Variants in BRI3BP observed in about 807,000 individuals in gnomAD.
BRI3BP encodes the protein BRI3 binding protein, also known as BRI3-binding protein.
In BRI3BP, 7 loss-of-function variants were observed where a neutral mutation model predicts 15.8. The ratio of observed to expected loss-of-function variants is 0.44; its 90% CI spans 0.25 to 0.83. BRI3BP has a LOEUF of 0.83. Ranked by LOEUF, BRI3BP falls within the 40% of genes least tolerant of loss-of-function variation. The probability of loss-of-function intolerance (pLI) is 0.20; values close to 1 mark genes in which losing one functional copy is unlikely to be tolerated. For missense variants in BRI3BP, 320 were observed against 339.3 expected (o/e 0.94, Z 0.45); for synonymous variants, 192 against 163.5 (o/e 1.17, Z -1.33).
chr12:125,016,355 G>T (rs1439733970), intron 2 of BRI3BP, among the ~76,000 whole-genome samples: 2 of 143,114 alleles, frequency 1.4e-5, no homozygotes, highest in Non-Finnish European at 3.0e-5. Context: ...TTTCTTCAGT[G>T]TTTTTTTTTT....
intron 1 of BRI3BP, among the ~76,000 whole-genome samples, chr12:125,002,044 G>T (rs1456985911): frequency 2.6e-5 from 4 of 152,150 alleles, no homozygotes; most frequent in Non-Finnish European, 4.4e-5. Context: ...TGTTTTCAAG[G>T]TTCATCCATA....
chr12:125,042,455 T>C, the BRI3BP span, among the ~76,000 whole-genome samples: 1 of 151,946 alleles, frequency 6.6e-6, no homozygotes, highest in Non-Finnish European at 1.5e-5. Context: ...TCTAATTCTT[T>C]AGGAACTAGG....
chr12:125,024,914 C>A, intron 2 of BRI3BP, 77 bp from the exon 3 acceptor site: 2 of 1,348,238 alleles, frequency 1.5e-6, no homozygotes, highest in Non-Finnish European at 2.0e-6. Flanking sequence ...CAGGCCAGCT[C>A]AACTATCCAA....
chr12:125,004,235 C>T (rs928533367), intron 1 of BRI3BP, among the ~76,000 whole-genome samples: 4 of 152,126 alleles, frequency 2.6e-5, no homozygotes, highest in Non-Finnish European at 4.4e-5. Flanking sequence ...TGCAGTGGCA[C>T]GAACACAGCT....
rs1294578244 is a variant in BRI3BP at position 125,025,549 on chromosome 12, C to T, written c.*119C>T. ...TAAACACGACTGAGCAAGAAAGTGG[C>T]GCTGTGTAGGGCTATTTCCACCCAC... On this transcript the variant is annotated 3_prime_UTR_variant, in exon 3 of 3. Coordinates refer to ENST00000341446, the MANE Select transcript of BRI3BP (RefSeq NM_080626.6). The T allele has an allele frequency of 5.5e-6, 6 of 1,091,402 alleles. No homozygotes were observed. The highest frequency in any genetic ancestry group is 1.6e-5 in the African/African-American group (1 of 62,794). The allele number at this position is 1,091,402 out of a possible 1,614,324, so 67.6% of individuals were successfully genotyped here.
Position 125,026,112 on chromosome 12 carries a change from G to C in BRI3BP, c.*682G>C, listed in dbSNP as rs1393991097. ...AATGAAGACATCGCCATTTCTAGAA[G>C]ACCTGAGATTTTCTTCCCTCTGTGC... On this transcript the variant is annotated 3_prime_UTR_variant, in exon 3 of 3. Transcript: ENST00000341446. 2 of 152,154 alleles carry C rather than the reference G, an allele frequency of 1.3e-5. No individual in the cohort carries two copies. Among genetic ancestry groups the C allele is most frequent in the African/African-American group, 4.8e-5 (2 of 41,434 alleles). 9.4% of individuals were successfully genotyped at this position (152,154 alleles called of 1,614,324 possible).
chr12:125,015,096 G>A (rs1430444667), intron 2 of BRI3BP, among the ~76,000 whole-genome samples: 1 of 152,206 alleles, frequency 6.6e-6, no homozygotes, highest in Non-Finnish European at 1.5e-5. Flanking sequence ...CAGGAGGGCT[G>A]TGGGTCCCAC....
the BRI3BP span, among the ~76,000 whole-genome samples, chr12:125,037,097 T>C: frequency 6.6e-6 from 1 of 152,242 alleles, no homozygotes; most frequent in Non-Finnish European, 1.5e-5. Flanking sequence ...TTTGCTGTTA[T>C]TGCCCAGGCT....
chr12:125,030,064 G>C lies in BRI3BP; in HGVS notation c.*4634G>C, dbSNP rs756755513. 1 of 152,240 alleles carries C rather than the reference G, an allele frequency of 6.6e-6. No individual in the cohort carries two copies. The highest frequency in any genetic ancestry group is 1.5e-5 in the Non-Finnish European group (1 of 68,046). 9.4% of individuals were successfully genotyped at this position (152,240 alleles called of 1,614,324 possible). On this transcript the variant is annotated 3_prime_UTR_variant, in exon 3 of 3. Coordinates refer to ENST00000341446, the MANE Select transcript of BRI3BP (RefSeq NM_080626.6). Reference sequence around the variant, plus strand: ...AGAATAACAGCTGTCAAATGGCCTAGACATGGTTAATGCAATTTGTTGCTA... The same window carrying C: ...AGAATAACAGCTGTCAAATGGCCTACACATGGTTAATGCAATTTGTTGCTA...
At chr12:125,039,357 A>C in the BRI3BP span, among the ~76,000 whole-genome samples, 1 of 152,026 alleles carries the variant, frequency 6.6e-6, no homozygotes, top group South Asian at 2.1e-4. Flanking sequence ...AGTTAAACCA[A>C]TCTCAGGGGA....
chr12:125,034,782 G>A (rs1042476970), downstream of BRI3BP, among the ~76,000 whole-genome samples: 2 of 152,066 alleles, frequency 1.3e-5, no homozygotes, highest in Non-Finnish European at 2.9e-5. Flanking sequence ...TAGAGACGGG[G>A]TTTCACCATA....
rs781335758 is a variant in BRI3BP at position 124,993,914 on chromosome 12, GAGA to G, written c.129_131del (p.Lys43del). On this transcript the variant is annotated inframe_deletion, in exon 1 of 3. Transcript: ENST00000341446. The stretch of plus-strand genomic sequence containing the variant: ...GGGGGCGCGGGGCCGCGGCGGCGCG[GAGA>G]AGAACAGCTACCGCCGCACGGTCAA... 4.4e-5 allele frequency: 58 copies of G among 1,311,048 alleles called. No individual in the cohort carries two copies. The highest frequency in any genetic ancestry group is 5.4e-5 in the Non-Finnish European group (55 of 1,020,998). The allele number at this position is 1,311,048 out of a possible 1,614,324, so 81.2% of individuals were successfully genotyped here.
chr12:125,023,907 CT>C (rs1228948397), intron 2 of BRI3BP, among the ~76,000 whole-genome samples: 1 of 152,128 alleles, frequency 6.6e-6, no homozygotes, highest in Non-Finnish European at 1.5e-5. Flanking sequence ...CTCATCTCTA[CT>C]AAAAATACAA....
chr12:125,031,519 C>T (rs966551309), downstream of BRI3BP, among the ~76,000 whole-genome samples: 2 of 151,936 alleles, frequency 1.3e-5, no homozygotes, highest in Non-Finnish European at 2.9e-5. Flanking sequence ...TGCCTCTCCA[C>T]CCCACCCCGC....
chr12:125,023,296 G>C (rs1051562725), intron 2 of BRI3BP, among the ~76,000 whole-genome samples: 2 of 72,260 alleles, frequency 2.8e-5, no homozygotes, highest in Non-Finnish European at 5.2e-5. Flanking sequence ...TCCTCCATGA[G>C]TGCCTTCCAA....
intron 2 of BRI3BP, among the ~76,000 whole-genome samples, chr12:125,022,379 C>T (rs984532352): frequency 6.6e-6 from 1 of 152,108 alleles, no homozygotes; most frequent in East Asian, 1.9e-4. Context: ...TGTCATGGGT[C>T]TCTTCTCAAT....
downstream of BRI3BP, among the ~76,000 whole-genome samples, chr12:125,032,406 T>C (rs952355747): frequency 1.3e-5 from 2 of 151,440 alleles, no homozygotes; most frequent in African/African-American, 4.9e-5. Flanking sequence ...TGCAGTGAGC[T>C]GAAATCGCGC....
chr12:125,001,647 A>AT (rs1955092411), intron 1 of BRI3BP, among the ~76,000 whole-genome samples: 1 of 151,878 alleles, frequency 6.6e-6, no homozygotes, highest in Admixed American at 6.6e-5. Flanking sequence ...AAGTGCTGGG[A>AT]TTATAGGCGT....
chr12:125,024,961 C>G (rs1269495210), intron 2 of BRI3BP, 30 bp from the exon 3 acceptor site: 1 of 1,573,698 alleles, frequency 6.4e-7, no homozygotes, highest in Non-Finnish European at 8.7e-7. Context: ...CCCTGCGTAA[C>G]GAGCCCTGTT....
Sources: gnomAD v4.1 joint callset for allele counts (sites outside exome capture counted in the v4.1 genomes callset) on GRCh38, gnomAD v4.1.1 for gene constraint, MANE v1.5 for transcripts, NCBI Gene and HGNC (gene_info 2026-07-23, HGNC 2026-07-21) for gene names.